Variants in PRKCZ observed in about 807,000 individuals in gnomAD.
PRKCZ encodes the protein protein kinase C zeta, also known as protein kinase C zeta type.
In PRKCZ, 33 loss-of-function variants were observed where a neutral mutation model predicts 79.5. The ratio of observed to expected loss-of-function variants is 0.41; its 90% confidence interval spans 0.31 to 0.55. The LOEUF (loss-of-function observed/expected upper bound fraction) is 0.55, where lower values mean the gene tolerates loss of function less well. Ranked by LOEUF, PRKCZ falls within the 20% of genes least tolerant of loss-of-function variation. PRKCZ has a pLI of 0.19. For synonymous variants in PRKCZ, 342 were observed against 320.9 expected (o/e 1.07, Z -0.70); for missense variants, 578 against 813.5 (o/e 0.71, Z 3.52).
chr1:2,059,593 T>C lies in PRKCZ; in HGVS notation c.334+2T>C. 6.2e-7 allele frequency: 1 copy of C among 1,614,084 alleles called. No homozygotes were observed. Among genetic ancestry groups the C allele is most frequent in the East Asian group, 2.2e-5 (1 of 44,890 alleles). Reference sequence around the variant, plus strand: ...GCCTGCCATGTCCGGGAGAAGACAGTGAGTACTGGGGTTTCCTACGCCGGT... The same window carrying C: ...GCCTGCCATGTCCGGGAGAAGACAGCGAGTACTGGGGTTTCCTACGCCGGT... On this transcript the variant is annotated splice_donor_variant, in intron 4 of 17. Transcript: ENST00000378567. LOFTEE classifies it high-confidence loss of function.
At chr1:2,147,445 A>G (rs1040689218) in intron 7 of PRKCZ, among the ~76,000 whole-genome samples, 1 of 141,212 alleles carries the variant, frequency 7.1e-6, no homozygotes, top group Non-Finnish European at 1.5e-5. Context: ...CTCTCCATCT[A>G]TCCATCTATC....
At chr1:2,119,297 C>G (rs577663716) in intron 4 of PRKCZ, among the ~76,000 whole-genome samples, 21 of 151,230 alleles carry the variant, frequency 1.4e-4, no homozygotes, top group Non-Finnish European at 2.8e-4. Context: ...TCACTGCAAC[C>G]TCCACCTCCT....
chr1:2,110,823 T>G (rs1040956121), intron 4 of PRKCZ, among the ~76,000 whole-genome samples: 1 of 151,144 alleles, frequency 6.6e-6, no homozygotes, highest in Non-Finnish European at 1.5e-5. Context: ...GCAGGGCTGG[T>G]GGACAGTAGA....
At chr1:2,074,575 C>A in intron 4 of PRKCZ, 1 of 538,282 alleles carries the variant, frequency 1.9e-6, no homozygotes, top group Non-Finnish European at 3.3e-6. Context: ...AGCACCTGTT[C>A]CAGGCCTGCG....
At chr1:2,074,701 G>A (rs994750189) in intron 4 of PRKCZ, 4 of 241,300 alleles carry the variant, frequency 1.7e-5, no homozygotes, top group Admixed American at 5.0e-5. Context: ...TCACTCCATC[G>A]GGGTCCTCGG....
intron 6 of PRKCZ, chr1:2,145,234 T>G (rs188647539): frequency 6.6e-6 from 1 of 152,308 alleles, no homozygotes; most frequent in African/African-American, 2.4e-5. Flanking sequence ...CGTAAGCAAA[T>G]GAGACCGGCC....
At chr1:2,121,239 C>T (rs1315440292) in intron 4 of PRKCZ, among the ~76,000 whole-genome samples, 1 of 152,198 alleles carries the variant, frequency 6.6e-6, no homozygotes, top group African/African-American at 2.4e-5. Context: ...GCAGTCTTGT[C>T]TGAACAAGGC....
In PRKCZ at chr1:2,177,695, G is replaced by T. The variant is rs543720739; in HGVS notation, c.1575+2382G>T. ...GCCAGGTGATCTCTGGCACACACTT[G>T]CCGCGGGCTGTCTCTCGGAAGGTAG... On this transcript the variant is annotated intron_variant, in intron 16 of 17. Transcript: ENST00000378567. The surrounding 1 kb of genome is among the most constrained non-coding windows in gnomAD (Gnocchi z 6.4). 6.6e-6 allele frequency among the ~76,000 whole-genome samples: 1 copy of T among 152,300 alleles called. No homozygotes were observed. Among genetic ancestry groups the T allele is most frequent in the Admixed American group, 6.5e-5 (1 of 15,302 alleles).
chr1:2,076,880 A>T (rs1383034786), intron 4 of PRKCZ, among the ~76,000 whole-genome samples: 1 of 152,214 alleles, frequency 6.6e-6, no homozygotes, highest in African/African-American at 2.4e-5. Context: ...GAGCCCCTCC[A>T]CGCATCGGGG....
At chr1:2,072,212 G>A (rs528508807) in intron 4 of PRKCZ, among the ~76,000 whole-genome samples, 160 of 152,348 alleles carry the variant, frequency 1.1e-3, no homozygotes, top group Non-Finnish European at 2.1e-3. Context: ...GCCGTGCCTC[G>A]TGGTGAGCTG....
At chr1:2,098,062 C>G (rs1203308200) in intron 4 of PRKCZ, among the ~76,000 whole-genome samples, 5 of 149,390 alleles carry the variant, frequency 3.3e-5, no homozygotes, top group African/African-American at 4.9e-5. Flanking sequence ...ACAGGTGACT[C>G]AGGATGACTA....
chr1:2,124,386 C>T (rs1282124923), intron 4 of PRKCZ, among the ~76,000 whole-genome samples: 6 of 62,954 alleles, frequency 9.5e-5, no homozygotes, highest in African/African-American at 3.0e-4. Flanking sequence ...GTTAGGGTCA[C>T]GGCGGTGGTT....
chr1:2,078,117 C>T (rs1031347644), intron 4 of PRKCZ, among the ~76,000 whole-genome samples: 1 of 152,230 alleles, frequency 6.6e-6, no homozygotes, highest in South Asian at 2.1e-4. Flanking sequence ...TGGCCCCCCA[C>T]ACAACATGCC....
At chr1:2,050,879 C>T (rs1659575141) in intron 1 of PRKCZ, 178 bp downstream of exon 1, 2 of 404,008 alleles carry the variant, frequency 5.0e-6, no homozygotes. Flanking sequence ...GCGGACACGT[C>T]GTGGACAGCG....
rs1242116415 is a variant in PRKCZ, at chr1:2,125,919, G to T, written c.335-9343G>T. Reference sequence around the variant, plus strand: ...CTTCCCTTCCTTTCCATGGAGCACGGTTCCTGTCCCGGGGGTCCATATTGG... The same window carrying T: ...CTTCCCTTCCTTTCCATGGAGCACGTTTCCTGTCCCGGGGGTCCATATTGG... On this transcript the variant is annotated intron_variant, in intron 4 of 17. Coordinates refer to ENST00000378567, the MANE Select transcript of PRKCZ (RefSeq NM_002744.6). The surrounding 1 kb of genome is among the most constrained non-coding windows in gnomAD (Gnocchi z 4.2). 6.6e-6 allele frequency among the ~76,000 whole-genome samples: 1 copy of T among 152,198 alleles called. No individual in the cohort carries two copies. Among genetic ancestry groups the T allele is most frequent in the South Asian group, 2.1e-4 (1 of 4,826 alleles).
At chr1:2,102,132 T>C (rs565558395) in intron 4 of PRKCZ, among the ~76,000 whole-genome samples, 75 of 152,172 alleles carry the variant, frequency 4.9e-4, no homozygotes, top group Non-Finnish European at 6.8e-4. Flanking sequence ...GGGGCCAGGA[T>C]CAGGAGCAGC....
intron 9 of PRKCZ, among the ~76,000 whole-genome samples, chr1:2,152,397 G>A (rs1267996698): frequency 1.3e-5 from 2 of 152,100 alleles, no homozygotes; most frequent in East Asian, 3.8e-4. Flanking sequence ...GCCAGGTGTG[G>A]TGGCGCACAC....
intron 4 of PRKCZ, among the ~76,000 whole-genome samples, chr1:2,114,894 C>G (rs1670444447): frequency 6.6e-6 from 1 of 152,224 alleles, no homozygotes; most frequent in Admixed American, 6.5e-5. Context: ...TCTCTGATTT[C>G]TTTTTCTTTC....
At chr1:2,060,597 G>A (rs1167451906) in intron 4 of PRKCZ, among the ~76,000 whole-genome samples, 1 of 152,216 alleles carries the variant, frequency 6.6e-6, no homozygotes, top group African/African-American at 2.4e-5. Flanking sequence ...TGATCTGCCC[G>A]GGGAGAGGGC....
Sources: gnomAD v4.1 joint callset for allele counts (sites outside exome capture counted in the v4.1 genomes callset) on GRCh38, gnomAD v4.1.1 for gene constraint, Gnocchi (gnomAD v3.1) non-coding constraint, MANE v1.5 for transcripts, NCBI Gene and HGNC (gene_info 2026-07-23, HGNC 2026-07-21) for gene names.